Variants in XRN1 observed in about 807,000 individuals in gnomAD.
XRN1 encodes the protein strand-exchange protein 1 homolog.
Under a neutral mutation model 222.3 loss-of-function variants are expected in XRN1, and 67 were observed. The ratio of observed to expected loss-of-function variants is 0.30; its 90% CI spans 0.25 to 0.37. The LOEUF (loss-of-function observed/expected upper bound fraction) is 0.37. Among genes scored for constraint, XRN1 ranks in the 10% least tolerant of loss-of-function variants. XRN1 has a pLI of 1.00. For synonymous variants in XRN1, 643 were observed against 652.4 expected, an observed-to-expected ratio of 0.99 and a Z score of 0.22; for missense variants, 1,707 against 2,000.2, an observed-to-expected ratio of 0.85 and a Z score of 2.80.
intron 20 of XRN1, among the ~76,000 whole-genome samples, chr3:142,391,743 AAAAAAAAT>A (rs1338410330): frequency 1.3e-5 from 1 of 77,364 alleles, no homozygotes; most frequent in Non-Finnish European, 3.0e-5. Flanking sequence ...CACTAAAAAA[AAAAAAAAT>A]ATATATATAT....
At chr3:142,344,099 G>T (rs571653293) in intron 33 of XRN1, among the ~76,000 whole-genome samples, 9 of 152,006 alleles carry the variant, frequency 5.9e-5, no homozygotes, top group Admixed American at 2.0e-4. Context: ...AGAGTAGTGG[G>T]GGGGAGGGGT....
chr3:142,404,114 T>C, intron 16 of XRN1, 125 bp from the exon 17 acceptor site: 1 of 828,848 alleles, frequency 1.2e-6, no homozygotes, highest in Non-Finnish European at 1.8e-6. Context: ...TGACAATTAG[T>C]TCCAGACAAA....
intron 24 of XRN1, chr3:142,376,243 T>G (rs1337815114): frequency 1.6e-6 from 1 of 636,784 alleles, no homozygotes; most frequent in African/African-American, 1.8e-5. Flanking sequence ...ACACACACCC[T>G]CTGATACCTT....
intron 37 of XRN1, among the ~76,000 whole-genome samples, chr3:142,321,181 G>A (rs1398362537): frequency 2.8e-5 from 4 of 143,816 alleles, no homozygotes; most frequent in South Asian, 2.2e-4. Context: ...ATGCAGTAGC[G>A]TGATCTTGGC....
intron 23 of XRN1, among the ~76,000 whole-genome samples, chr3:142,379,036 G>A (rs193234318): frequency 2.0e-5 from 3 of 152,004 alleles, no homozygotes; most frequent in East Asian, 1.9e-4. Context: ...TTGGGAGGCC[G>A]AGGCAGGCAG....
intron 22 of XRN1, among the ~76,000 whole-genome samples, chr3:142,380,502 G>A (rs1009672987): frequency 6.6e-6 from 1 of 152,016 alleles, no homozygotes; most frequent in Non-Finnish European, 1.5e-5. Context: ...CGTTCAGGGT[G>A]GTATGGCCGT....
At chr3:142,399,722 A>G (rs1359819764) in intron 19 of XRN1, among the ~76,000 whole-genome samples, 1 of 151,912 alleles carries the variant, frequency 6.6e-6, no homozygotes, top group Non-Finnish European at 1.5e-5. Context: ...AAATAACATA[A>G]TGGAGAGATG....
intron 22 of XRN1, among the ~76,000 whole-genome samples, chr3:142,380,525 G>A (rs73238169): frequency 0.1 from 15,659 of 152,016 alleles, 948 homozygotes; most frequent in Non-Finnish European, 0.14. Context: ...ACAGGATCTC[G>A]CTCTGTCATT....
chr3:142,358,129 T>C (rs571929026), intron 30 of XRN1, among the ~76,000 whole-genome samples: 40 of 152,266 alleles, frequency 2.6e-4, no homozygotes, highest in Non-Finnish European at 4.4e-4. Context: ...CTCAGGAGCA[T>C]GGAACCATTC....
intron 13 of XRN1, among the ~76,000 whole-genome samples, chr3:142,414,546 A>G (rs1284947558): frequency 6.7e-6 from 1 of 149,968 alleles, no homozygotes; most frequent in Non-Finnish European, 1.5e-5. Flanking sequence ...CCCAGGCTGG[A>G]GTGCAGTGGC....
In XRN1 at chr3:142,329,635, AGTC is replaced by A; in HGVS notation, c.4223-23_4223-21del. 1.3e-6 allele frequency: 2 copies of A among 1,523,568 alleles called. No individual in the cohort carries two copies. The highest frequency in any genetic ancestry group is 2.6e-5 in the Admixed American group (1 of 38,688). The allele number at this position is 1,523,568 out of a possible 1,614,324, so 94.4% of individuals were successfully genotyped here. A position where few individuals can be genotyped will look rare whatever the true frequency, so the allele number is the denominator to read the frequency against. On this transcript the variant is annotated intron_variant, in intron 36 of 40. Transcript: ENST00000392981. ...AAGATGCTACCAAAAAAGAGAAAAGAGTCTATCTTTATTAATAAAATACTATCT... is the reference window on the plus strand; with the variant it reads ...AAGATGCTACCAAAAAAGAGAAAAGATATCTTTATTAATAAAATACTATCT...
At chr3:142,413,393 A>C (rs2068661454) in intron 14 of XRN1, among the ~76,000 whole-genome samples, 1 of 152,178 alleles carries the variant, frequency 6.6e-6, no homozygotes, top group Non-Finnish European at 1.5e-5. Context: ...ACAATCAAAG[A>C]AACTTACGAA....
At position 142,356,988 on chromosome 3, in the gene XRN1, C is replaced by T. The variant is rs1233146808; in HGVS notation, c.3596G>A (p.Ser1199Asn). The change falls in exon 31 of 41, where the codon AGC (serine) becomes AAC (asparagine). Residue 1199 changes from serine (S) to asparagine (N), a missense_variant. By Grantham distance (46) the Ser-to-Asn change is conservative. Coordinates refer to ENST00000392981, the MANE Select transcript of XRN1 (RefSeq NM_001282857.2). ...CCCAGAGGAAACTGATGAACTTGAG[C>T]TATGTTGATGTACAGCTGGTTGTGG... ...VKPQPAVHQH[S>N]SSSSVSSGHL... 6.2e-7 allele frequency: 1 copy of T among 1,614,068 alleles called. No homozygotes were observed.
intron 32 of XRN1, among the ~76,000 whole-genome samples, chr3:142,353,214 C>T (rs891787911): frequency 1.1e-4 from 17 of 152,028 alleles, no homozygotes; most frequent in African/African-American, 4.1e-4. Flanking sequence ...GTTACTATGA[C>T]TTCGTAAATA....
chr3:142,440,143 C>T (rs1174051742), intron 1 of XRN1, among the ~76,000 whole-genome samples: 1 of 152,162 alleles, frequency 6.6e-6, no homozygotes, highest in African/African-American at 2.4e-5. Context: ...CTCCTGGACA[C>T]TGGCACGGCC....
chr3:142,382,519 G>T (rs1203002358), intron 22 of XRN1, among the ~76,000 whole-genome samples: 1 of 152,106 alleles, frequency 6.6e-6, no homozygotes, highest in African/African-American at 2.4e-5. Context: ...CCTGGTTCCT[G>T]TGTTTACATG....
chr3:142,428,840 T>C (rs953311177), intron 2 of XRN1, among the ~76,000 whole-genome samples: 6 of 152,194 alleles, frequency 3.9e-5, no homozygotes, highest in African/African-American at 9.6e-5. Flanking sequence ...TTTGGATATA[T>C]AGGAGCTTAG....
At chr3:142,326,929 C>T (rs76830888) in intron 37 of XRN1, among the ~76,000 whole-genome samples, 10,803 of 152,132 alleles carry the variant, frequency 0.071, 1,287 homozygotes, top group African/African-American at 0.25. Flanking sequence ...TTATTGACTG[C>T]ATATATTTAA....
At chr3:142,423,004 AAGTATCATCAG>A (rs2069102690) in intron 6 of XRN1, 82 bp from the exon 7 acceptor site, 1 of 1,099,492 alleles carries the variant, frequency 9.1e-7, no homozygotes, top group Admixed American at 2.2e-5. Context: ...CTTAAATCAA[AAGTATCATCAG>A]AAGATAGTAA....
Sources: allele counts gnomAD v4.1 joint callset (sites outside exome capture counted in the v4.1 genomes callset), GRCh38; gene constraint gnomAD v4.1.1; transcripts MANE v1.5; gene names NCBI Gene and HGNC (gene_info 2026-07-23, HGNC 2026-07-21).